The following ADSS1 variants were observed in gnomAD, a reference collection of about 807,000 sequenced individuals.
The protein encoded by ADSS1 is adenylosuccinate synthase 1, also known as adenylosuccinate synthetase isozyme 1.
A neutral mutation model predicts 59.1 loss-of-function variants in ADSS1; 57 were observed. The observed-to-expected ratio is 0.97, with a 90% CI of 0.78 to 1.20. ADSS1 has a LOEUF of 1.20. ADSS1 is among the 50% of genes most tolerant of loss of function. ADSS1 has a pLI of 0.00. For synonymous variants in ADSS1, 247 were observed against 249.4 expected, an observed-to-expected ratio of 0.99 and a Z score of 0.09; for missense variants, 603 against 610.3, an observed-to-expected ratio of 0.99 and a Z score of 0.13.
Position 104,740,361 on chromosome 14 carries a change from G to A in ADSS1, c.477-240G>A, listed in dbSNP as rs950826779. Among the ~76,000 whole-genome samples the A allele has an allele frequency of 6.6e-6, 1 of 151,546 alleles. No individual in the cohort carries two copies. The highest frequency in any genetic ancestry group is 2.4e-5 in the African/African-American group (1 of 41,048). ...CACACACCCACGCAAATGCACAAAA[G>A]TACACACAGCCACACATGCACACAC... is the stretch of plus-strand genomic sequence containing the variant. On this transcript the variant is annotated intron_variant, in intron 5 of 12. Coordinates refer to ENST00000330877, the MANE Select transcript of ADSS1 (RefSeq NM_152328.5). The surrounding 1 kb of genome is among the most constrained non-coding windows in gnomAD (Gnocchi z 4.8).
At chr14:104,733,038 G>A (rs779104700) in intron 1 of ADSS1, among the ~76,000 whole-genome samples, 1 of 152,140 alleles carries the variant, frequency 6.6e-6, no homozygotes, top group Non-Finnish European at 1.5e-5. Flanking sequence ...CACAGGCTGA[G>A]AGCCCTGCCC....
rs1890660717 is a variant in ADSS1, at chr14:104,724,440, C to G, written c.170C>G (p.Ala57Gly). 7.2e-6 allele frequency: 9 copies of G among 1,257,332 alleles called. No individual in the cohort carries two copies. In the South Asian group the frequency reaches 3.5e-4, roughly 50 times the overall value. 77.9% of individuals were successfully genotyped at this position (1,257,332 alleles called of 1,614,324 possible). ...GTGGTGGACCTGCTGGCCACGGACGCCGACATCATCAGCCGCTGCCAGGTG... is the reference window on the plus strand; with the variant it reads ...GTGGTGGACCTGCTGGCCACGGACGGCGACATCATCAGCCGCTGCCAGGTG... ...GKVVDLLATD[A>G]DIISRCQGGN... The change falls in exon 1 of 13, where the codon GCC becomes GGC. Residue 57 changes from alanine (A) to glycine (G), a missense_variant. Transcript: ENST00000330877.
intron 1 of ADSS1, chr14:104,730,077 G>A (rs758133136): frequency 2.6e-6 from 4 of 1,559,770 alleles, no homozygotes; most frequent in East Asian, 2.4e-5. Flanking sequence ...CACCTTCCCA[G>A]TGCCTGTGGA....
At position 104,741,900 on chromosome 14, in the gene ADSS1, G is replaced by C; in HGVS notation, c.846G>C (p.Thr282=). ...ACTGCACCGTGGGCGGTGTGTGCAC[G>C]GGCCTGGGCATCCCCCCGCAGAACA... ...SSNCTVGGVC[T]GLGIPPQNIG... is the part of the protein sequence containing the mutation. Residue 282 remains threonine, a synonymous_variant, in exon 9 of 13, where the codon ACG becomes ACC. Transcript: ENST00000330877. 1 of 1,613,508 alleles carries C rather than the reference G, an allele frequency of 6.2e-7. No homozygotes were observed. The highest frequency in any genetic ancestry group is 8.5e-7 in the Non-Finnish European group (1 of 1,180,002).
intron 1 of ADSS1, among the ~76,000 whole-genome samples, chr14:104,734,801 C>T (rs1049647313): frequency 1.3e-5 from 2 of 152,202 alleles, no homozygotes; most frequent in Admixed American, 6.5e-5. Flanking sequence ...AGACCCTCCC[C>T]GACCCAGGCC....
At chr14:104,728,060 T>C (rs1890770443) in intron 1 of ADSS1, among the ~76,000 whole-genome samples, 1 of 152,174 alleles carries the variant, frequency 6.6e-6, no homozygotes, top group Admixed American at 6.5e-5. Context: ...GGGTGTGAGA[T>C]CACAGGGTGT....
At position 104,741,114 on chromosome 14, in the gene ADSS1, C is replaced by T; in HGVS notation, c.667-3C>T. 1 of 1,596,838 alleles carries T rather than the reference C, an allele frequency of 6.3e-7. No individual in the cohort carries two copies. Among genetic ancestry groups the T allele is most frequent in the African/African-American group, 1.3e-5 (1 of 74,564 alleles). ...CACTCTGCTGCTTGGCCCTTCCTTG[C>T]AGGGCTTTGCTGAGCGGATCAGACC... On this transcript the variant is annotated splice_region_variant and splice_polypyrimidine_tract_variant and intron_variant, in intron 7 of 12. Transcript: ENST00000330877.
At chr14:104,728,143 G>T (rs992553851) in intron 1 of ADSS1, among the ~76,000 whole-genome samples, 1 of 152,144 alleles carries the variant, frequency 6.6e-6, no homozygotes, top group Non-Finnish European at 1.5e-5. Flanking sequence ...TGTGGCTGTT[G>T]GGGCTCTGGG....
chr14:104,737,134 G>T (rs1891165252), intron 2 of ADSS1: 1 of 151,862 alleles, frequency 6.6e-6, no homozygotes, highest in East Asian at 1.9e-4. Flanking sequence ...TTCACACTTG[G>T]TGCTGTACAT....
intron 1 of ADSS1, among the ~76,000 whole-genome samples, chr14:104,729,375 C>G (rs962621095): frequency 2.6e-5 from 4 of 152,174 alleles, no homozygotes; most frequent in Non-Finnish European, 5.9e-5. Context: ...GGGTGACAAG[C>G]TCAGTGCAGG....
At chr14:104,742,195 C>A (rs1439629848) in intron 9 of ADSS1, among the ~76,000 whole-genome samples, 193 bp downstream of exon 9, 1 of 152,248 alleles carries the variant, frequency 6.6e-6, no homozygotes, top group Non-Finnish European at 1.5e-5. Flanking sequence ...TGGGCCTGTT[C>A]CCACGGCCAC....
chr14:104,746,439 GC>G (rs1891562220), intron 12 of ADSS1, 54 bp downstream of exon 12: 8 of 1,572,278 alleles, frequency 5.1e-6, no homozygotes, highest in East Asian at 2.3e-5. Flanking sequence ...GCCCCAAGGG[GC>G]CCACATCCCA....
intron 1 of ADSS1, among the ~76,000 whole-genome samples, chr14:104,728,552 T>G (rs920952943): frequency 1.3e-5 from 2 of 152,146 alleles, no homozygotes; most frequent in African/African-American, 4.8e-5. Context: ...TGAAGCAGTG[T>G]AAGTGGGTGA....
rs766014695 is a variant in ADSS1 at position 104,744,840 on chromosome 14, G to A, written c.1102G>A (p.Asp368Asn). ...ALALTKLDIL[D>N]VLGEVKVGVS... Reference sequence around the variant, plus strand: ...GGCCCTGACGAAGCTGGACATCCTGGACGTACTGGGTGAGGTTAAAGTCGG... The same window carrying A: ...GGCCCTGACGAAGCTGGACATCCTGAACGTACTGGGTGAGGTTAAAGTCGG... Residue 368 changes from aspartate (D) to asparagine (N), a missense_variant, in exon 11 of 13, where the codon GAC (aspartate) becomes AAC (asparagine). Transcript: ENST00000330877. The A allele has an allele frequency of 6.2e-7, 1 of 1,614,218 alleles. No individual in the cohort carries two copies. The highest frequency in any genetic ancestry group is 8.5e-7 in the Non-Finnish European group (1 of 1,180,058).
intron 1 of ADSS1, among the ~76,000 whole-genome samples, chr14:104,732,356 T>G (rs1413681938): frequency 6.6e-6 from 1 of 152,202 alleles, no homozygotes; most frequent in Non-Finnish European, 1.5e-5. Context: ...TCTCACCACG[T>G]GCCTGTGCAG....
rs147370332 is a variant in ADSS1 at position 104,743,159 on chromosome 14, A to G, written c.1041A>G (p.Leu347=). Residue 347 remains leucine (L), a synonymous_variant, in exon 10 of 13, where the codon CTA becomes CTG. Coordinates refer to ENST00000330877, the MANE Select transcript of ADSS1 (RefSeq NM_152328.5). ...GCGGCTGGCTCGACCTGATGATTCT[A>G]AGATATGCTCACATGGTCAACGGAT... ...RRCGWLDLMI[L]RYAHMVNGFT... The G allele has an allele frequency of 7.2e-4, 1,158 of 1,612,284 alleles. 1 individual carries two copies. Among genetic ancestry groups the G allele is most frequent in the Non-Finnish European group, 9.4e-4 (1,104 of 1,179,990 alleles).
chr14:104,727,183 G>A (rs1890739886), intron 1 of ADSS1, among the ~76,000 whole-genome samples: 1 of 152,176 alleles, frequency 6.6e-6, no homozygotes, highest in Non-Finnish European at 1.5e-5. Flanking sequence ...GGGGCCTGTG[G>A]TCAGAGTGCA....
rs547457999 is a variant in ADSS1 at position 104,739,175 on chromosome 14, C to A, written c.359-153C>A. Among the ~76,000 whole-genome samples the A allele has an allele frequency of 2.6e-3, 397 of 152,260 alleles. 1 individual carries two copies. The highest frequency in any genetic ancestry group is 9.2e-3 in the African/African-American group (384 of 41,548). On this transcript the variant is annotated intron_variant, in intron 3 of 12. Coordinates refer to ENST00000330877, the MANE Select transcript of ADSS1 (RefSeq NM_152328.5). ...AGGAGACAACGAGGGGCGGGTCTGC[C>A]GCTTGCTGCGCAACAGAGGTGGCCC...
chr14:104,743,886 C>T (rs766706185), intron 10 of ADSS1, among the ~76,000 whole-genome samples: 12 of 152,246 alleles, frequency 7.9e-5, no homozygotes, highest in African/African-American at 1.7e-4. Flanking sequence ...GGGTTCACGG[C>T]GCAGCCTCAT....
Sources: allele counts gnomAD v4.1 joint callset (sites outside exome capture counted in the v4.1 genomes callset), GRCh38; gene constraint gnomAD v4.1.1; non-coding constraint Gnocchi (gnomAD v3.1); transcripts MANE v1.5; gene names NCBI Gene and HGNC (gene_info 2026-07-23, HGNC 2026-07-21).